NWD1: variants seen among roughly 807,000 people sequenced by gnomAD.
NWD1 encodes the protein NACHT domain- and WD repeat-containing protein 1.
A neutral mutation model predicts 135.1 loss-of-function variants in NWD1; 129 were observed. That is an observed-to-expected ratio of 0.96 (90% CI 0.83 to 1.11). NWD1 has a LOEUF of 1.11. Among genes scored for constraint, NWD1 ranks in the 50% least tolerant of loss-of-function variants. The pLI, the probability that NWD1 is intolerant of heterozygous loss-of-function variation, is 0.00. For missense variants in NWD1, 1,740 were observed against 1,851.3 expected (o/e 0.94, Z 1.10); for synonymous variants, 773 against 786.0 (o/e 0.98, Z 0.28).
rs913666881 is a variant in NWD1, at chr19:16,767,478, G to C, written c.2410+2286G>C. Among the ~76,000 whole-genome samples, 9 of 152,196 alleles carry C rather than the reference G, an allele frequency of 5.9e-5. No individual in the cohort carries two copies. In the South Asian group the frequency reaches 1.9e-3, roughly 32 times the overall value. On this transcript the variant is annotated intron_variant, in intron 10 of 18. Transcript: ENST00000524140. Reference sequence around the variant, plus strand: ...AAAAATACAAAAATTTGTCAGGCGTGGTGGCACATGCCTGTAGTTCCAGCT... The same window carrying C: ...AAAAATACAAAAATTTGTCAGGCGTCGTGGCACATGCCTGTAGTTCCAGCT...
At chr19:16,785,570 A>G (rs1970009521) in intron 12 of NWD1, among the ~76,000 whole-genome samples, 1 of 147,006 alleles carries the variant, frequency 6.8e-6, no homozygotes, top group African/African-American at 2.7e-5. Context: ...TTAACGTGAT[A>G]AAGAAAAAAG....
chr19:16,790,067 G>A (rs2446148), intron 13 of NWD1, among the ~76,000 whole-genome samples: 70,692 of 151,972 alleles, frequency 0.47, 19,105 homozygotes, highest in African/African-American at 0.75. Flanking sequence ...AACAATGTCT[G>A]TTCCACTGTG....
At position 16,797,875 on chromosome 19, in the gene NWD1, G is replaced by T; in HGVS notation, c.3448G>T (p.Ala1150Ser). The stretch of plus-strand genomic sequence containing the variant: ...CCTGATCATCACGGGGTCCCTTGAT[G>T]CGCTCATTCAGGTGAGGGGAGATCT... ...NNLIITGSLD[A>S]LIQVWSLSEQ... The change falls in exon 16 of 19, where the codon GCG (alanine) becomes TCG (serine). Residue 1150 changes from alanine to serine, a missense_variant. Coordinates refer to ENST00000524140, the MANE Select transcript of NWD1 (RefSeq NM_001007525.5). The T allele has an allele frequency of 1.9e-6, 3 of 1,613,802 alleles. No homozygotes were observed. The highest frequency in any genetic ancestry group is 2.5e-6 in the Non-Finnish European group (3 of 1,179,794).
chr19:16,743,016 A>T (rs1163388539), intron 4 of NWD1, among the ~76,000 whole-genome samples: 1 of 148,142 alleles, frequency 6.8e-6, no homozygotes, highest in Non-Finnish European at 1.5e-5. Context: ...GGCTTCAAGC[A>T]AGTCTCCTGC....
Position 16,773,240 on chromosome 19 carries a change from C to T in NWD1, c.2525C>T (p.Ala842Val). Residue 842 changes from alanine to valine, a missense_variant, in exon 11 of 19, where the codon GCA becomes GTA. Transcript: ENST00000524140. Reference sequence around the variant, plus strand: ...GCCCAGAGCTGGTTCCAGTTGTGCGCACACCCTGTGCTGGTGCCCCTCGGA... The same window carrying T: ...GCCCAGAGCTGGTTCCAGTTGTGCGTACACCCTGTGCTGGTGCCCCTCGGA... ...QQAQSWFQLC[A>V]HPVLVPLGGF... 2 of 1,613,756 alleles carry T rather than the reference C, an allele frequency of 1.2e-6. No homozygotes were observed. The highest frequency in any genetic ancestry group is 1.7e-6 in the Non-Finnish European group (2 of 1,180,022).
chr19:16,736,234 T>TTC (rs1477114202), intron 3 of NWD1, among the ~76,000 whole-genome samples: 68 of 150,230 alleles, frequency 4.5e-4, no homozygotes, highest in Admixed American at 7.3e-4. Context: ...CCTACCTTCC[T>TTC]CTCTCTCTTT....
chr19:16,795,193 C>T (rs769925750), intron 15 of NWD1, among the ~76,000 whole-genome samples: 12 of 152,222 alleles, frequency 7.9e-5, no homozygotes, highest in African/African-American at 1.7e-4. Flanking sequence ...TGGCCCAGCC[C>T]GCGGCTCCCA....
At chr19:16,758,068 T>C (rs1321382614) in intron 6 of NWD1, among the ~76,000 whole-genome samples, 1 of 147,174 alleles carries the variant, frequency 6.8e-6, no homozygotes, top group Non-Finnish European at 1.5e-5. Context: ...AAAAAAAGAA[T>C]TTTGGAAAGA....
rs59426107 is a variant in NWD1 at position 16,791,770 on chromosome 19, A to G, written c.3213+148A>G. The G allele has an allele frequency of 8.9e-6, 7 of 790,708 alleles. No homozygotes were observed. The East Asian group carries it at 1.8e-4, about 20-fold the overall frequency. The allele number at this position is 790,708 out of a possible 1,614,324, so 49.0% of individuals were successfully genotyped here. ...CTTTTGTTGCCCAGGCTGGAGTGCAATGGTGTAATCTCAGCTCACTGCAAC... is the reference window on the plus strand; with the variant it reads ...CTTTTGTTGCCCAGGCTGGAGTGCAGTGGTGTAATCTCAGCTCACTGCAAC... On this transcript the variant is annotated intron_variant, in intron 14 of 18. Transcript: ENST00000524140.
Position 16,791,371 on chromosome 19 carries a change from A to G in NWD1, c.2962A>G (p.Thr988Ala). The change falls in exon 14 of 19, where the codon ACT becomes GCT. Residue 988 changes from threonine (T) to alanine (A), a missense_variant. Thr to Ala is a moderately conservative substitution (Grantham distance 58). Coordinates refer to ENST00000524140, the MANE Select transcript of NWD1 (RefSeq NM_001007525.5). ...TTAGATCAATGCTTGGAATCTGGAAACTGCAGAGCCGGTATTCCATATCCT... is the reference window on the plus strand; with the variant it reads ...TTAGATCAATGCTTGGAATCTGGAAGCTGCAGAGCCGGTATTCCATATCCT... Reference protein sequence around the residue: ...GSKINAWNLETAEPVFHILGD... With the variant: ...GSKINAWNLEAAEPVFHILGD... The G allele has an allele frequency of 6.2e-7, 1 of 1,613,798 alleles. No individual in the cohort carries two copies. The highest frequency in any genetic ancestry group is 8.5e-7 in the Non-Finnish European group (1 of 1,179,886).
chr19:16,763,355 C>T (rs185009076), intron 8 of NWD1, among the ~76,000 whole-genome samples: 1 of 152,314 alleles, frequency 6.6e-6, no homozygotes, highest in East Asian at 1.9e-4. Context: ...CCTACCCAGC[C>T]TGATATTCAG....
chr19:16,794,707 G>A (rs1263337158), intron 15 of NWD1, among the ~76,000 whole-genome samples, 154 bp downstream of exon 15: 1 of 152,170 alleles, frequency 6.6e-6, no homozygotes, highest in Non-Finnish European at 1.5e-5. Context: ...TTGCAGTCCA[G>A]ACGAGACAAC....
chr19:16,815,120 C>T lies in NWD1; in HGVS notation c.*81C>T, dbSNP rs1189742542. Reference sequence around the variant, plus strand: ...CATTGCCCCCACCAGGCATGGTTATCTGATCCGAGAGAATTTCCAGTGCCT... The same window carrying T: ...CATTGCCCCCACCAGGCATGGTTATTTGATCCGAGAGAATTTCCAGTGCCT... On this transcript the variant is annotated 3_prime_UTR_variant, in exon 19 of 19. Coordinates refer to ENST00000524140, the MANE Select transcript of NWD1 (RefSeq NM_001007525.5). 1 of 1,399,976 alleles carries T rather than the reference C, an allele frequency of 7.1e-7. No individual in the cohort carries two copies. 86.7% of individuals were successfully genotyped at this position (1,399,976 alleles called of 1,614,324 possible). A position where few individuals can be genotyped will look rare whatever the true frequency, so the allele number is the denominator to read the frequency against.
At chr19:16,779,037 A>G (rs1270555045) in intron 11 of NWD1, among the ~76,000 whole-genome samples, 3 of 152,102 alleles carry the variant, frequency 2.0e-5, no homozygotes, top group Non-Finnish European at 2.9e-5. Context: ...GCACCTCAAG[A>G]TGTCTCCAGA....
chr19:16,757,744 G>C (rs773847), intron 6 of NWD1, among the ~76,000 whole-genome samples: 72,113 of 151,986 alleles, frequency 0.47, 19,303 homozygotes, highest in African/African-American at 0.73. Flanking sequence ...CCTAGGCTCT[G>C]TCTGATACCA....
At chr19:16,756,283 A>G (rs1968794284) in intron 6 of NWD1, among the ~76,000 whole-genome samples, 1 of 152,162 alleles carries the variant, frequency 6.6e-6, no homozygotes. Context: ...GAAGAAAAAT[A>G]CATGTACTAT....
At position 16,808,006 on chromosome 19, in the gene NWD1, C is replaced by A; in HGVS notation, c.4157C>A (p.Thr1386Asn). 1 of 1,614,112 alleles carries A rather than the reference C, an allele frequency of 6.2e-7. No homozygotes were observed. Among genetic ancestry groups the A allele is most frequent in the East Asian group, 2.2e-5 (1 of 44,886 alleles). ...ACTTCCAAAGCGTTTCCCTTGGAGA[C>A]CCACAGGAGCCGAGTTGCCTGTGTG... ...CATSKAFPLE[T>N]HRSRVACVEV... Residue 1386 changes from threonine (T) to asparagine (N), a missense_variant, in exon 18 of 19, where the codon ACC (threonine) becomes AAC (asparagine). Physicochemically the swap from Thr to Asn is moderately conservative, Grantham distance 65. Coordinates refer to ENST00000524140, the MANE Select transcript of NWD1 (RefSeq NM_001007525.5).
At chr19:16,799,846 CAGA>C (rs748266190) in intron 16 of NWD1, 37 bp from the exon 17 acceptor site, 16 of 1,543,706 alleles carry the variant, frequency 1.0e-5, no homozygotes, top group Non-Finnish European at 1.4e-5. Context: ...TAGTTGTCCA[CAGA>C]AGATGTCAGA....
chr19:16,767,847 C>T (rs1969281485), intron 10 of NWD1, among the ~76,000 whole-genome samples: 1 of 152,066 alleles, frequency 6.6e-6, no homozygotes, highest in South Asian at 2.1e-4. Context: ...TTTTCTGTCT[C>T]TATAAATTTG....
Sources: allele counts gnomAD v4.1 joint callset (sites outside exome capture counted in the v4.1 genomes callset), GRCh38; gene constraint gnomAD v4.1.1; transcripts MANE v1.5; gene names NCBI Gene and HGNC (gene_info 2026-07-23, HGNC 2026-07-21).